Variants in IREB2 observed in about 807,000 individuals in gnomAD.
IREB2 encodes iron-responsive element-binding protein 2.
IREB2 carries 39 observed loss-of-function variants against 118.8 expected under a neutral mutation model. The observed-to-expected ratio is 0.33, with a 90% confidence interval of 0.25 to 0.43. The LOEUF is 0.43. IREB2 is among the 20% of genes least tolerant of loss of function. IREB2 has a pLI of 1.00. For synonymous variants in IREB2, 372 were observed against 392.2 expected, an observed-to-expected ratio of 0.95 and a Z score of 0.61; for missense variants, 900 against 1,147.3, an observed-to-expected ratio of 0.78 and a Z score of 3.11.
At chr15:78,471,672 T>C in intron 6 of IREB2, 69 bp from the exon 7 acceptor site, 2 of 924,668 alleles carry the variant, frequency 2.2e-6, no homozygotes, top group East Asian at 2.7e-5. Flanking sequence ...AATGTTAATA[T>C]TACACCTTGA....
At chr15:78,466,759 A>G (rs918313293) in intron 5 of IREB2, among the ~76,000 whole-genome samples, 5 of 152,202 alleles carry the variant, frequency 3.3e-5, no homozygotes, top group Non-Finnish European at 5.9e-5. Flanking sequence ...TGACGACTGT[A>G]AGCAGAAAAA....
chr15:78,494,774 T>G lies in IREB2; in HGVS notation c.2595+510T>G, dbSNP rs1394702801. Among the ~76,000 whole-genome samples the G allele has an allele frequency of 2.6e-5, 4 of 152,168 alleles. No homozygotes were observed. The East Asian group carries it at 7.7e-4, about 29-fold the overall frequency. On this transcript the variant is annotated intron_variant, in intron 20 of 21. Transcript: ENST00000258886. Reference sequence around the variant, plus strand: ...TGTTTGTAGAGATCGGATCTCTCTATTTTGCTCAGGCTGATCTTGAACTCC... The same window carrying G: ...TGTTTGTAGAGATCGGATCTCTCTAGTTTGCTCAGGCTGATCTTGAACTCC...
At chr15:78,467,149 C>T (rs1056225809) in intron 5 of IREB2, among the ~76,000 whole-genome samples, 2 of 143,000 alleles carry the variant, frequency 1.4e-5, no homozygotes, top group Non-Finnish European at 3.0e-5. Flanking sequence ...GGGGAGGTTG[C>T]AGTGAGCCAA....
intron 8 of IREB2, 126 bp from the exon 9 acceptor site, chr15:78,476,062 A>C: frequency 1.7e-6 from 1 of 587,466 alleles, no homozygotes; most frequent in East Asian, 2.8e-5. Flanking sequence ...TCATAAGGAC[A>C]ATGAAGGATC....
At position 78,497,319 on chromosome 15, in the gene IREB2, T is replaced by G; in HGVS notation, c.2781+8T>G. The G allele has an allele frequency of 9.4e-6, 15 of 1,589,274 alleles. No individual in the cohort carries two copies. The highest frequency in any genetic ancestry group is 1.3e-5 in the African/African-American group (1 of 74,432). Reference sequence around the variant, plus strand: ...ATTACATTGAATATACAGGTATCTCTAAATTTTTCAAATATATGATTATGC... The same window carrying G: ...ATTACATTGAATATACAGGTATCTCGAAATTTTTCAAATATATGATTATGC... On this transcript the variant is annotated splice_region_variant and intron_variant, in intron 21 of 21. Transcript: ENST00000258886.
rs141373267 is a variant in IREB2, at chr15:78,483,408, G to A, written c.1387G>A (p.Asp463Asn). The stretch of plus-strand genomic sequence containing the variant: ...AGTTGCTGTGACAGATATGAAAAGC[G>A]ATTTCCAGGCTTGCTTAAATGAAAA... ...DRVAVTDMKS[D>N]FQACLNEKVG... Residue 463 changes from aspartate to asparagine, a missense_variant, in exon 11 of 22, where the codon GAT (aspartate) becomes AAT (asparagine). By Grantham distance (23) the Asp-to-Asn change is conservative. Coordinates refer to ENST00000258886, the MANE Select transcript of IREB2 (RefSeq NM_004136.4). 92 of 1,598,908 alleles carry A rather than the reference G, an allele frequency of 5.8e-5. No homozygotes were observed. Among genetic ancestry groups the A allele is most frequent in the Non-Finnish European group, 7.8e-5 (91 of 1,166,240 alleles).
intron 2 of IREB2, among the ~76,000 whole-genome samples, chr15:78,452,896 A>G (rs1046484600): frequency 6.6e-6 from 1 of 152,208 alleles, no homozygotes. Flanking sequence ...ACAGCAAAGC[A>G]TTATCCTTAT....
chr15:78,494,634 C>A (rs561858097), intron 20 of IREB2, among the ~76,000 whole-genome samples: 2 of 152,238 alleles, frequency 1.3e-5, no homozygotes, highest in Admixed American at 1.3e-4. Flanking sequence ...AGTGCAGTGG[C>A]GCAATCACTG....
chr15:78,473,431 A>G (rs781460637), intron 8 of IREB2, 50 bp downstream of exon 8: 2 of 1,538,272 alleles, frequency 1.3e-6, no homozygotes, highest in Non-Finnish European at 1.8e-6. Context: ...TTATTTTTAT[A>G]AAAATTGAAG....
intron 2 of IREB2, among the ~76,000 whole-genome samples, chr15:78,449,253 A>T (rs1349805171): frequency 6.6e-6 from 1 of 152,220 alleles, no homozygotes; most frequent in African/African-American, 2.4e-5. Flanking sequence ...TATTTACCGT[A>T]TCCAGTTCTA....
chr15:78,478,503 G>A (rs1042678777), intron 10 of IREB2, 106 bp downstream of exon 10: 11 of 656,626 alleles, frequency 1.7e-5, no homozygotes, highest in Middle Eastern at 2.5e-4. Flanking sequence ...AAGAGTTTGA[G>A]ACCAGCCTGG....
intron 20 of IREB2, among the ~76,000 whole-genome samples, chr15:78,495,750 T>TA (rs1261911048): frequency 2.6e-5 from 4 of 151,992 alleles, no homozygotes; most frequent in Admixed American, 1.3e-4. Flanking sequence ...CCTCAGGTGG[T>TA]AAAAAAAATT....
At chr15:78,440,137 CAGTTTTCAAACT>C (rs1332105359) in intron 2 of IREB2, among the ~76,000 whole-genome samples, 25 of 152,100 alleles carry the variant, frequency 1.6e-4, no homozygotes, top group African/African-American at 6.0e-4. Context: ...ACCAATAATG[CAGTTTTCAAACT>C]TTTTTTTTTC....
intron 10 of IREB2, among the ~76,000 whole-genome samples, chr15:78,483,026 A>G (rs1474967411): frequency 6.6e-6 from 1 of 152,132 alleles, no homozygotes; most frequent in Admixed American, 6.5e-5. Flanking sequence ...GGTGTGAGCC[A>G]CCGCGCCCGG....
At chr15:78,480,853 C>G (rs1298082014) in intron 10 of IREB2, among the ~76,000 whole-genome samples, 1 of 149,452 alleles carries the variant, frequency 6.7e-6, no homozygotes, top group East Asian at 2.0e-4. Context: ...ACTAAAAATA[C>G]AAAAAATTAG....
chr15:78,465,468 G>A (rs747433659), intron 4 of IREB2, 80 bp downstream of exon 4: 46 of 1,280,486 alleles, frequency 3.6e-5, no homozygotes, highest in Non-Finnish European at 5.0e-5. Flanking sequence ...AAGGAATAGA[G>A]ATAATTTATG....
At chr15:78,497,085 T>G (rs1164303405) in intron 20 of IREB2, 41 bp from the exon 21 acceptor site, 1 of 1,524,008 alleles carries the variant, frequency 6.6e-7, no homozygotes, top group African/African-American at 1.4e-5. Context: ...TAAATAACTT[T>G]CAGAAGTGAT....
chr15:78,497,567 T>C (rs969756795), intron 21 of IREB2, among the ~76,000 whole-genome samples: 1 of 152,168 alleles, frequency 6.6e-6, no homozygotes, highest in African/African-American at 2.4e-5. Flanking sequence ...ACTTAACAAG[T>C]GTCAGCTTTC....
intron 9 of IREB2, 34 bp from the exon 10 acceptor site, chr15:78,478,263 C>G (rs1324060579): frequency 7.6e-7 from 1 of 1,320,978 alleles, no homozygotes; most frequent in Non-Finnish European, 1.1e-6. Context: ...AAATTTCTCA[C>G]TGCATTTTGT....
Sources: gnomAD v4.1 joint callset for allele counts (sites outside exome capture counted in the v4.1 genomes callset) on GRCh38, gnomAD v4.1.1 for gene constraint, MANE v1.5 for transcripts, NCBI Gene and HGNC (gene_info 2026-07-23, HGNC 2026-07-21) for gene names.